Variants in ARSF observed in about 807,000 individuals in gnomAD.
The protein encoded by ARSF is arylsulfatase F.
Under a neutral mutation model 35.4 loss-of-function variants are expected in ARSF, and 33 were observed. That is an observed-to-expected ratio of 0.93 (90% CI 0.71 to 1.25). ARSF has a LOEUF of 1.25. Ranked by LOEUF, ARSF falls within the 50% of genes most tolerant of loss-of-function variation. ARSF has a pLI of 0.00. For synonymous variants in ARSF, 222 were observed against 193.1 expected (o/e 1.15, Z -1.24); for missense variants, 501 against 480.2 (o/e 1.04, Z -0.40).
At chrX:3,061,026 G>A (rs753627866) in intron 1 of ARSF, among the ~76,000 whole-genome samples, 5 of 111,598 alleles carry the variant, frequency 4.5e-5, no homozygotes, top group South Asian at 3.8e-4. Context: ...TGAAATGAAG[G>A]AAAAAATGTT....
intron 1 of ARSF, among the ~76,000 whole-genome samples, chrX:3,065,545 G>A (rs995713414): frequency 9.3e-6 from 1 of 107,936 alleles, no homozygotes; most frequent in Non-Finnish European, 1.9e-5. Flanking sequence ...GCCGAGACAG[G>A]AAAATCGTTT....
intron 7 of ARSF, among the ~76,000 whole-genome samples, chrX:3,096,318 A>G (rs1428840399): frequency 9.0e-6 from 1 of 111,285 alleles, no homozygotes; most frequent in East Asian, 2.8e-4. Context: ...TAACTAAAAT[A>G]TTTAGAAATA....
chrX:3,090,741 G>A lies in ARSF; in HGVS notation c.967+1109G>A, dbSNP rs1054217389. ...TTTGCATAGGATAATGTCCACCACC[G>A]GCATCTATGTTGCTGCAAAGGACAT... On this transcript the variant is annotated intron_variant, in intron 7 of 10. Transcript: ENST00000381127. Among the ~76,000 whole-genome samples the A allele has an allele frequency of 8.9e-5, 10 of 111,786 alleles. 1 individual carries two copies. The highest frequency in any genetic ancestry group is 1.9e-4 in the Admixed American group (2 of 10,518).
At chrX:3,085,432 A>G (rs1472076966) in intron 6 of ARSF, among the ~76,000 whole-genome samples, 1 of 108,634 alleles carries the variant, frequency 9.2e-6, no homozygotes, top group Admixed American at 1.0e-4. Flanking sequence ...GTTGTTAAAA[A>G]ACAAAAAAAA....
intron 7 of ARSF, among the ~76,000 whole-genome samples, chrX:3,099,090 A>G (rs1056883733): frequency 3.2e-4 from 35 of 110,507 alleles, no homozygotes; most frequent in African/African-American, 1.1e-3. Context: ...CATGTTTCTT[A>G]TGCTTCTGAA....
chrX:3,055,829 C>T (rs999614675), intron 1 of ARSF, among the ~76,000 whole-genome samples: 1 of 111,675 alleles, frequency 9.0e-6, no homozygotes, highest in Non-Finnish European at 1.9e-5. Context: ...GGCTTCCTGC[C>T]TTTCCCTGTC....
At chrX:3,064,652 A>G (rs1432822228) in intron 1 of ARSF, among the ~76,000 whole-genome samples, 2 of 112,133 alleles carry the variant, frequency 1.8e-5, no homozygotes, top group Non-Finnish European at 3.8e-5. Flanking sequence ...GGATATGAAC[A>G]GACACTTCTC....
chrX:3,102,831 G>C (rs1448800709), intron 8 of ARSF, among the ~76,000 whole-genome samples: 1 of 109,808 alleles, frequency 9.1e-6, no homozygotes, highest in Non-Finnish European at 1.9e-5. Context: ...AGAATGGCGT[G>C]AACCCAGGAG....
Position 3,112,355 on chromosome X carries a change from G to C in ARSF, c.1572G>C (p.Glu524Asp). 8.3e-7 allele frequency: 1 copy of C among 1,211,128 alleles called. No homozygotes were observed. The highest frequency in any genetic ancestry group is 1.7e-5 in the African/African-American group (1 of 57,580). ...CCACACCCCTGACACCTGCCACAGAGCCCCTCCATGATTTTGTGATTAAAA... is the reference window on the plus strand; with the variant it reads ...CCACACCCCTGACACCTGCCACAGACCCCCTCCATGATTTTGTGATTAAAA... ...SESTPLTPAT[E>D]PLHDFVIKKV... Residue 524 changes from glutamate (E) to aspartate (D), a missense_variant, in exon 11 of 11, where the codon GAG becomes GAC. Transcript: ENST00000381127.
intron 3 of ARSF, among the ~76,000 whole-genome samples, chrX:3,075,883 C>G (rs1211535404): frequency 2.1e-5 from 1 of 47,717 alleles, no homozygotes; most frequent in Non-Finnish European, 4.0e-5. Flanking sequence ...CTTCTTCTCT[C>G]TCTCCATCTC....
At chrX:3,058,065 C>T (rs7062235) in intron 1 of ARSF, among the ~76,000 whole-genome samples, 8,132 of 111,823 alleles carry the variant, frequency 0.073, 409 homozygotes, top group African/African-American at 0.18. Context: ...CTTTTCATTT[C>T]GTGTTCTAGT....
At chrX:3,043,976 A>T (rs751121154) in intron 1 of ARSF, among the ~76,000 whole-genome samples, 1 of 110,600 alleles carries the variant, frequency 9.0e-6, no homozygotes, top group African/African-American at 3.3e-5. Flanking sequence ...TTATGTAGAG[A>T]TGGGGTTTTG....
rs2090111726 is a variant in ARSF, at chrX:3,072,359, T to C, written c.161+184T>C. Among the ~76,000 whole-genome samples, 3 of 112,446 alleles carry C rather than the reference T, an allele frequency of 2.7e-5. No individual in the cohort carries two copies. In the South Asian group the frequency reaches 1.1e-3, roughly 42 times the overall value. On this transcript the variant is annotated intron_variant, in intron 3 of 10. Coordinates refer to ENST00000381127, the MANE Select transcript of ARSF (RefSeq NM_001201539.2). ...AATAGTTTTACAATTACATTTTTAA[T>C]AATTTTAATTTGAATCTCTTTCAGT...
At chrX:3,066,412 C>T (rs1411318900) in intron 1 of ARSF, among the ~76,000 whole-genome samples, 1 of 111,030 alleles carries the variant, frequency 9.0e-6, no homozygotes, top group Non-Finnish European at 1.9e-5. Context: ...CTCCCACGTC[C>T]CCACCACCTT....
chrX:3,100,709 G>T (rs1201910898), intron 7 of ARSF, among the ~76,000 whole-genome samples: 1 of 111,199 alleles, frequency 9.0e-6, no homozygotes, highest in Non-Finnish European at 1.9e-5. Context: ...GCAATTCTCT[G>T]CCTCAGCCAC....
At chrX:3,083,522 CTATCT>C (rs2090220010) in intron 5 of ARSF, among the ~76,000 whole-genome samples, 3 of 63,133 alleles carry the variant, frequency 4.8e-5, no homozygotes, top group Admixed American at 1.9e-4. Context: ...ATCTATCTAT[CTATCT>C]ATCCATCCAT....
intron 1 of ARSF, among the ~76,000 whole-genome samples, chrX:3,063,126 C>T (rs2090049053): frequency 8.9e-6 from 1 of 111,763 alleles, no homozygotes; most frequent in African/African-American, 3.3e-5. Context: ...TGGCTTCATC[C>T]CTGGGATGCA....
At chrX:3,070,884 G>C in intron 2 of ARSF, among the ~76,000 whole-genome samples, 1 of 110,375 alleles carries the variant, frequency 9.1e-6, no homozygotes, top group Non-Finnish European at 1.9e-5. Flanking sequence ...ACTCCATCCA[G>C]GTTGCTGCAA....
At position 3,089,481 on chromosome X, in the gene ARSF, T is replaced by C. The variant is rs374684628; in HGVS notation, c.831-15T>C. On this transcript the variant is annotated splice_polypyrimidine_tract_variant and intron_variant, in intron 6 of 10. Coordinates refer to ENST00000381127, the MANE Select transcript of ARSF (RefSeq NM_001201539.2). ...TATTGAAAACTCACAAGTAGTTTCATTGATGTCTTCTCAGGCACAGTAAGG... is the reference window on the plus strand; with the variant it reads ...TATTGAAAACTCACAAGTAGTTTCACTGATGTCTTCTCAGGCACAGTAAGG... 2.4e-4 allele frequency: 287 copies of C among 1,208,171 alleles called. No homozygotes were observed. The highest frequency in any genetic ancestry group is 3.0e-4 in the Non-Finnish European group (268 of 893,940).
Sources: gnomAD v4.1 joint callset for allele counts (sites outside exome capture counted in the v4.1 genomes callset) on GRCh38, gnomAD v4.1.1 for gene constraint, MANE v1.5 for transcripts, NCBI Gene and HGNC (gene_info 2026-07-23, HGNC 2026-07-21) for gene names.